Variants in SPAG1 observed in about 807,000 individuals in gnomAD.
The protein encoded by SPAG1 is sperm associated antigen 1, also known as sperm-associated antigen 1.
A neutral mutation model predicts 100.5 loss-of-function variants in SPAG1; 69 were observed. The ratio of observed to expected loss-of-function variants is 0.69; its 90% confidence interval spans 0.57 to 0.84. The LOEUF is 0.84. SPAG1 is among the 40% of genes least tolerant of loss of function. The pLI is 0.00. For synonymous variants in SPAG1, 336 were observed against 411.6 expected (o/e 0.82, Z 2.22); for missense variants, 955 against 1,133.1 (o/e 0.84, Z 2.26).
At chr8:100,179,233 A>C (rs1816262238) in intron 4 of SPAG1, among the ~76,000 whole-genome samples, 1 of 152,034 alleles carries the variant, frequency 6.6e-6, no homozygotes, top group Admixed American at 6.6e-5. Context: ...AAATACAAAA[A>C]TTAGCCAGCC....
At position 100,225,298 on chromosome 8, in the gene SPAG1, A is replaced by G. The variant is rs780809404; in HGVS notation, c.1814A>G (p.Gln605Arg). 1 of 1,613,850 alleles carries G rather than the reference A, an allele frequency of 6.2e-7. No homozygotes were observed. Among genetic ancestry groups the G allele is most frequent in the South Asian group, 1.1e-5 (1 of 91,070 alleles). Residue 605 changes from glutamine (Q) to arginine (R), a missense_variant, in exon 14 of 19, where the codon CAA (glutamine) becomes CGA (arginine). Coordinates refer to ENST00000388798, the MANE Select transcript of SPAG1 (RefSeq NM_003114.5). The stretch of plus-strand genomic sequence containing the variant: ...CCGGCAAAAGAGATGATCTCAAAAC[A>G]AGCAGGAGACTCCAGCAGCCATCGC... ...WHPAKEMISK[Q>R]AGDSSSHRQQ...
At chr8:100,191,769 T>G (rs182996944) in intron 9 of SPAG1, among the ~76,000 whole-genome samples, 2 of 152,330 alleles carry the variant, frequency 1.3e-5, no homozygotes. Flanking sequence ...TGTTTTTCTC[T>G]GAGCCATGTG....
At chr8:100,213,741 C>T in intron 11 of SPAG1, 78 bp from the exon 12 acceptor site, 2 of 914,032 alleles carry the variant, frequency 2.2e-6, no homozygotes, top group South Asian at 3.0e-5. Flanking sequence ...CACCGGAGAC[C>T]TCGGCCGTCT....
chr8:100,218,322 A>T (rs1161448816), intron 12 of SPAG1, among the ~76,000 whole-genome samples: 2 of 152,242 alleles, frequency 1.3e-5, no homozygotes, highest in African/African-American at 4.8e-5. Flanking sequence ...TACTGGGCAG[A>T]AAGTGCTAAA....
At chr8:100,187,028 A>G (rs2132268093) in intron 7 of SPAG1, 92 bp from the exon 8 acceptor site, 1 of 1,268,976 alleles carries the variant, frequency 7.9e-7, no homozygotes, top group East Asian at 2.5e-5. Flanking sequence ...TAGACAGGTT[A>G]TAATTGTTTT....
At chr8:100,219,058 T>G (rs1198431475) in intron 12 of SPAG1, among the ~76,000 whole-genome samples, 2 of 152,230 alleles carry the variant, frequency 1.3e-5, no homozygotes, top group Non-Finnish European at 2.9e-5. Context: ...CTCCTCATGT[T>G]TCTGTTTCTT....
chr8:100,194,356 G>A (rs763863636), intron 10 of SPAG1, 88 bp downstream of exon 10: 9 of 1,535,818 alleles, frequency 5.9e-6, no homozygotes, highest in Admixed American at 2.0e-5. Context: ...ACAGAAATTC[G>A]TAATCTATCA....
intron 9 of SPAG1, among the ~76,000 whole-genome samples, chr8:100,193,108 A>G (rs2132286199): frequency 6.6e-6 from 1 of 152,360 alleles, no homozygotes; most frequent in Admixed American, 6.5e-5. Context: ...AAGTTGATAT[A>G]TTGGACTTCA....
chr8:100,197,391 A>T (rs1288097160), intron 10 of SPAG1, among the ~76,000 whole-genome samples: 2 of 152,224 alleles, frequency 1.3e-5, no homozygotes, highest in Non-Finnish European at 2.9e-5. Context: ...ACTCAGACAT[A>T]ATCTTTTCAT....
At chr8:100,229,450 A>G (rs186160299) in intron 14 of SPAG1, among the ~76,000 whole-genome samples, 1 of 152,118 alleles carries the variant, frequency 6.6e-6, no homozygotes, top group Admixed American at 6.5e-5. Flanking sequence ...CAAAACAAAA[A>G]AAAACAAAAG....
In SPAG1 at chr8:100,240,747, C is replaced by T. The variant is rs760624535; in HGVS notation, c.2625C>T (p.Tyr875=). 15 of 1,605,522 alleles carry T rather than the reference C, an allele frequency of 9.3e-6. No individual in the cohort carries two copies. The highest frequency in any genetic ancestry group is 1.2e-5 in the Non-Finnish European group (14 of 1,177,030). Residue 875 remains tyrosine (Y), a synonymous_variant, in exon 18 of 19, where the codon TAC becomes TAT. Coordinates refer to ENST00000388798, the MANE Select transcript of SPAG1 (RefSeq NM_003114.5). The part of the protein sequence containing the change: ...DPSLVYQHLL[Y]LSKAERFKMM... ...CATTGGTGTATCAGCATCTTTTATA[C>T]CTGAGTAAAGCAGAAAGGTTTAAGG...
At chr8:100,166,038 A>G in intron 3 of SPAG1, 65 bp downstream of exon 3, 18 of 1,395,034 alleles carry the variant, frequency 1.3e-5, no homozygotes, top group Non-Finnish European at 1.8e-5. Context: ...TACTTCACTT[A>G]TCGGAAATCC....
At chr8:100,174,385 A>T (rs1453028392) in intron 3 of SPAG1, among the ~76,000 whole-genome samples, 1 of 152,186 alleles carries the variant, frequency 6.6e-6, no homozygotes, top group Non-Finnish European at 1.5e-5. Flanking sequence ...ATCACATTAA[A>T]TAGGTTGAGG....
chr8:100,215,837 T>C (rs1253589094), intron 12 of SPAG1, among the ~76,000 whole-genome samples: 1 of 152,260 alleles, frequency 6.6e-6, no homozygotes, highest in Non-Finnish European at 1.5e-5. Context: ...TTTATTGATA[T>C]GGGTAAAGCT....
intron 8 of SPAG1, among the ~76,000 whole-genome samples, chr8:100,190,469 A>G (rs1355754959): frequency 1.3e-5 from 2 of 152,062 alleles, no homozygotes; most frequent in Non-Finnish European, 2.9e-5. Flanking sequence ...CAAATTATAC[A>G]TTGAAACGTA....
intron 16 of SPAG1, among the ~76,000 whole-genome samples, chr8:100,233,766 T>G (rs910070158): frequency 6.6e-6 from 1 of 152,246 alleles, no homozygotes; most frequent in Non-Finnish European, 1.5e-5. Context: ...AAATAATGAT[T>G]TATTCTCTAG....
intron 11 of SPAG1, 123 bp from the exon 12 acceptor site, chr8:100,213,696 C>T: frequency 1.6e-6 from 1 of 642,212 alleles, no homozygotes; most frequent in Non-Finnish European, 2.7e-6. Flanking sequence ...CCGTGGAGTT[C>T]TGCATGATCA....
Position 100,239,331 on chromosome 8 carries a change from G to C in SPAG1, c.2207G>C (p.Arg736Thr), listed in dbSNP as rs1415065029. The change falls in exon 17 of 19, where the codon AGA becomes ACA. Residue 736 changes from arginine (R) to threonine (T), a missense_variant. Transcript: ENST00000388798. The surrounding 1 kb of genome is among the most constrained non-coding windows in gnomAD (Gnocchi z 5.0). Reference sequence around the variant, plus strand: ...AAGATGGAACTGGAAGAGGTAACTAGACTCCTTAATCTTAAGGATAAGACA... The same window carrying C: ...AAGATGGAACTGGAAGAGGTAACTACACTCCTTAATCTTAAGGATAAGACA... ...EAKMELEEVT[R>T]LLNLKDKTAP... is the part of the protein sequence containing the mutation. The C allele has an allele frequency of 1.9e-6, 3 of 1,583,640 alleles. No homozygotes were observed. In the African/African-American group the frequency reaches 4.1e-5, roughly 22 times the overall value.
chr8:100,185,403 C>T (rs959906177), intron 7 of SPAG1, among the ~76,000 whole-genome samples: 1 of 152,266 alleles, frequency 6.6e-6, no homozygotes, highest in Admixed American at 6.5e-5. Context: ...CCCACCTCAC[C>T]TCCCAATTTA....
Sources: gnomAD v4.1 joint callset for allele counts (sites outside exome capture counted in the v4.1 genomes callset) on GRCh38, gnomAD v4.1.1 for gene constraint, Gnocchi (gnomAD v3.1) non-coding constraint, MANE v1.5 for transcripts, NCBI Gene and HGNC (gene_info 2026-07-23, HGNC 2026-07-21) for gene names.